SCFD2: variants seen among roughly 807,000 people sequenced by gnomAD.
The protein encoded by SCFD2 is sec1 family domain containing 2.
A neutral mutation model predicts 58.9 loss-of-function variants in SCFD2; 54 were observed. The ratio of observed to expected loss-of-function variants is 0.92; its 90% CI spans 0.74 to 1.15. The LOEUF (loss-of-function observed/expected upper bound fraction) is 1.15, where lower values mean the gene tolerates loss of function less well. SCFD2 is among the 50% of genes most tolerant of loss of function. SCFD2 has a pLI of 0.00. For missense variants in SCFD2, 805 were observed against 836.6 expected, an observed-to-expected ratio of 0.96 and a Z score of 0.47; for synonymous variants, 321 against 335.9, an observed-to-expected ratio of 0.96 and a Z score of 0.49.
intron 4 of SCFD2, among the ~76,000 whole-genome samples, chr4:53,172,070 A>G (rs1727196913): frequency 6.6e-6 from 1 of 151,578 alleles, no homozygotes; most frequent in Admixed American, 6.6e-5. Flanking sequence ...CAGTGGTGTG[A>G]TCTTCGGCTC....
chr4:53,251,318 G>A lies in SCFD2; in HGVS notation c.1311+22508C>T, dbSNP rs1471692678. On this transcript the variant is annotated intron_variant, in intron 4 of 8. Coordinates refer to ENST00000401642, the MANE Select transcript of SCFD2 (RefSeq NM_152540.4). ...CTACCAGAGGTACAAGGAGGAACTG[G>A]TACCATTCCTTCTGAAACTATTCCA... Among the ~76,000 whole-genome samples, 2 of 152,190 alleles carry A rather than the reference G, an allele frequency of 1.3e-5. 1 individual carries two copies. Among genetic ancestry groups the A allele is most frequent in the South Asian group, 4.2e-4 (2 of 4,814 alleles).
chr4:53,248,732 G>C (rs1199005491), intron 4 of SCFD2, among the ~76,000 whole-genome samples: 1 of 152,174 alleles, frequency 6.6e-6, no homozygotes, highest in Non-Finnish European at 1.5e-5. Flanking sequence ...CAACAGACCT[G>C]CAGCTGAGGG....
At chr4:53,262,566 C>A (rs1489591470) in intron 4 of SCFD2, among the ~76,000 whole-genome samples, 1 of 152,160 alleles carries the variant, frequency 6.6e-6, no homozygotes, top group Non-Finnish European at 1.5e-5. Context: ...TTTATGGAGG[C>A]TAAAAATAGG....
At chr4:53,205,546 C>A (rs1161218410) in intron 4 of SCFD2, among the ~76,000 whole-genome samples, 1 of 151,998 alleles carries the variant, frequency 6.6e-6, no homozygotes. Context: ...ACCCTTACAC[C>A]AACATGATTC....
intron 7 of SCFD2, among the ~76,000 whole-genome samples, chr4:52,897,151 C>T (rs1261914752): frequency 1.3e-5 from 2 of 152,112 alleles, no homozygotes; most frequent in Non-Finnish European, 2.9e-5. Flanking sequence ...CCTTTATTTC[C>T]TTCTCCTGCC....
intron 5 of SCFD2, among the ~76,000 whole-genome samples, chr4:53,009,985 A>G (rs1482635906): frequency 6.6e-6 from 1 of 152,172 alleles, no homozygotes; most frequent in African/African-American, 2.4e-5. Flanking sequence ...CTCGGGCTGC[A>G]CTGAGAGCTT....
chr4:53,295,422 A>T (rs930058920), intron 3 of SCFD2, among the ~76,000 whole-genome samples: 1 of 152,148 alleles, frequency 6.6e-6, no homozygotes, highest in African/African-American at 2.4e-5. Context: ...GAGTTCATTC[A>T]TGATTTGGCT....
intron 5 of SCFD2, among the ~76,000 whole-genome samples, chr4:53,072,595 T>C (rs1723850943): frequency 6.6e-6 from 1 of 151,986 alleles, no homozygotes; most frequent in Non-Finnish European, 1.5e-5. Flanking sequence ...AAGCCAGGTT[T>C]TCACACCTTA....
intron 4 of SCFD2, among the ~76,000 whole-genome samples, chr4:53,198,854 T>C (rs1728140745): frequency 1.3e-5 from 2 of 152,090 alleles, no homozygotes; most frequent in African/African-American, 4.8e-5. Context: ...ACCATCAAAT[T>C]TCCCTCAAAT....
intron 3 of SCFD2, among the ~76,000 whole-genome samples, chr4:53,301,605 G>T (rs1164848998): frequency 6.6e-6 from 1 of 152,134 alleles, no homozygotes. Context: ...ATTTCATGAG[G>T]CCAGCATCAT....
chr4:53,359,436 T>G (rs979062282), intron 1 of SCFD2, among the ~76,000 whole-genome samples: 5 of 152,192 alleles, frequency 3.3e-5, no homozygotes, highest in African/African-American at 1.2e-4. Flanking sequence ...ATTTAAGTCA[T>G]TCTAACAATT....
intron 4 of SCFD2, among the ~76,000 whole-genome samples, chr4:53,214,485 C>T (rs1728742345): frequency 6.6e-6 from 1 of 151,870 alleles, no homozygotes; most frequent in Non-Finnish European, 1.5e-5. Flanking sequence ...TATCCTTGGC[C>T]CACTTTTTGA....
chr4:53,095,274 G>C (rs1311029159), intron 5 of SCFD2, among the ~76,000 whole-genome samples: 1 of 152,012 alleles, frequency 6.6e-6, no homozygotes, highest in East Asian at 1.9e-4. Context: ...TTAAAAACCG[G>C]CTCACACATA....
At chr4:53,113,912 G>T (rs918039272) in intron 5 of SCFD2, among the ~76,000 whole-genome samples, 10 of 151,936 alleles carry the variant, frequency 6.6e-5, no homozygotes, top group Non-Finnish European at 1.5e-4. Flanking sequence ...TCTCACTGTT[G>T]TGAGAAGGCA....
chr4:53,245,119 C>A (rs1261906965), intron 4 of SCFD2, among the ~76,000 whole-genome samples: 1 of 151,864 alleles, frequency 6.6e-6, no homozygotes, highest in African/African-American at 2.4e-5. Context: ...TAACAAATAG[C>A]CTACCAACCA....
At chr4:52,967,455 T>C (rs1011267393) in intron 5 of SCFD2, among the ~76,000 whole-genome samples, 5 of 152,182 alleles carry the variant, frequency 3.3e-5, no homozygotes, top group Non-Finnish European at 7.3e-5. Flanking sequence ...AACATCCCCA[T>C]GAAGTAGGTA....
intron 7 of SCFD2, among the ~76,000 whole-genome samples, chr4:52,897,037 C>T (rs771660640): frequency 6.6e-6 from 1 of 152,232 alleles, no homozygotes; most frequent in African/African-American, 2.4e-5. Context: ...AGTTACTTAT[C>T]AGCTGAAGGA....
At chr4:53,327,320 T>C (rs572287304) in intron 2 of SCFD2, among the ~76,000 whole-genome samples, 2 of 152,238 alleles carry the variant, frequency 1.3e-5, no homozygotes, top group East Asian at 3.9e-4. Flanking sequence ...GGCAGCAGTC[T>C]GACCCAGGGT....
At chr4:52,976,936 C>A (rs116496539) in intron 5 of SCFD2, among the ~76,000 whole-genome samples, 149 of 152,226 alleles carry the variant, frequency 9.8e-4, no homozygotes, top group Non-Finnish European at 1.7e-3. Flanking sequence ...GTTTTCTCAT[C>A]TGAAAAATGA....
Sources: allele counts gnomAD v4.1 joint callset (sites outside exome capture counted in the v4.1 genomes callset), GRCh38; gene constraint gnomAD v4.1.1; transcripts MANE v1.5; gene names NCBI Gene and HGNC (gene_info 2026-07-23, HGNC 2026-07-21).